Variants in VWF observed in about 807,000 individuals in gnomAD.
VWF encodes the protein von Willebrand factor.
VWF carries 176 observed loss-of-function variants against 308.6 expected under a neutral mutation model. That is an observed-to-expected ratio of 0.57 (90% CI 0.50 to 0.65). The LOEUF is 0.65. VWF is among the 30% of genes least tolerant of loss of function. VWF has a pLI of 0.00. For missense variants in VWF, 3,146 were observed against 3,648.2 expected (o/e 0.86, Z 3.55); for synonymous variants, 1,385 against 1,443.4 (o/e 0.96, Z 0.92).
intron 3 of VWF, among the ~76,000 whole-genome samples, chr12:6,120,927 G>C (rs1237981955): frequency 6.6e-6 from 1 of 152,184 alleles, no homozygotes. Context: ...CCGGGCCCCA[G>C]AGCAACGGAC....
At chr12:6,085,455 A>G (rs954793731) in intron 6 of VWF, among the ~76,000 whole-genome samples, 10 of 152,176 alleles carry the variant, frequency 6.6e-5, no homozygotes, top group African/African-American at 2.4e-4. Flanking sequence ...GTGAATATGC[A>G]CTTATGGGCA....
intron 6 of VWF, among the ~76,000 whole-genome samples, chr12:6,092,673 G>GTGTGT (rs1356836169): frequency 8.9e-5 from 11 of 123,714 alleles, no homozygotes; most frequent in Non-Finnish European, 8.1e-5. Flanking sequence ...GTGTGTGTGT[G>GTGTGT]CTGACCAGCA....
At chr12:6,013,392 G>T in intron 32 of VWF, 89 bp downstream of exon 32, 1 of 1,518,428 alleles carries the variant, frequency 6.6e-7, no homozygotes, top group Non-Finnish European at 9.1e-7. Context: ...GGGCACCCTG[G>T]GGTCTCTTGA....
In VWF at chr12:5,954,822, C is replaced by T. The variant is rs569623805; in HGVS notation, c.7888-1228G>A. On this transcript the variant is annotated intron_variant, in intron 47 of 51. Coordinates refer to ENST00000261405, the MANE Select transcript of VWF (RefSeq NM_000552.5). ...AGAGAGTTTGCTGTCTGAATTCTAA[C>T]GAGTTGGAGGGGCTGGGTAAACACC... Among the ~76,000 whole-genome samples, 10 of 152,272 alleles carry T rather than the reference C, an allele frequency of 6.6e-5. No individual in the cohort carries two copies. The South Asian group carries it at 1.2e-3, about 19-fold the overall frequency.
At position 5,949,931 on chromosome 12, in the gene VWF, G is replaced by A. The variant is rs778110595; in HGVS notation, c.8156-48C>T. The A allele has an allele frequency of 3.2e-6, 5 of 1,572,240 alleles. No individual in the cohort carries two copies. In the East Asian group the frequency reaches 8.9e-5, roughly 28 times the overall value. ...AACTTGAGGACTGGCTGGGGTTCTA[G>A]AGAACACTCTTCAGCCCCAGTGCCC... On this transcript the variant is annotated intron_variant, in intron 50 of 51. Coordinates refer to ENST00000261405, the MANE Select transcript of VWF (RefSeq NM_000552.5).
chr12:5,978,193 C>T (rs934911834), intron 42 of VWF, among the ~76,000 whole-genome samples: 1 of 150,700 alleles, frequency 6.6e-6, no homozygotes, highest in Admixed American at 6.6e-5. Context: ...ACTTCAAAAC[C>T]TAGTATTTAC....
intron 3 of VWF, among the ~76,000 whole-genome samples, chr12:6,114,079 G>A (rs1945339432): frequency 6.6e-6 from 1 of 152,208 alleles, no homozygotes; most frequent in Admixed American, 6.5e-5. Flanking sequence ...GCTTCACTGG[G>A]TAACTCAACC....
chr12:6,032,882 ACACACG>A (rs1944285419), intron 20 of VWF, among the ~76,000 whole-genome samples: 1 of 140,542 alleles, frequency 7.1e-6, no homozygotes, highest in African/African-American at 2.7e-5. Context: ...TCATACACAC[ACACACG>A]CATACACATA....
At chr12:6,013,024 A>G (rs1309297359) in intron 32 of VWF, among the ~76,000 whole-genome samples, 1 of 152,128 alleles carries the variant, frequency 6.6e-6, no homozygotes, top group Non-Finnish European at 1.5e-5. Context: ...TTAAGTTTCT[A>G]ACCTAAAATC....
In VWF at chr12:6,073,859, G is replaced by C. The variant is rs1414391970; in HGVS notation, c.875-118C>G. On this transcript the variant is annotated intron_variant, in intron 7 of 51. Coordinates refer to ENST00000261405, the MANE Select transcript of VWF (RefSeq NM_000552.5). ...CTCTGACTGCTCCCCTCTGTCTTCAGGCTTCCAGGTCCTTCTCACCCCCAG... is the reference window on the plus strand; with the variant it reads ...CTCTGACTGCTCCCCTCTGTCTTCACGCTTCCAGGTCCTTCTCACCCCCAG... The C allele has an allele frequency of 5.1e-5, 76 of 1,503,742 alleles. 1 individual carries two copies. In the Middle Eastern group the frequency reaches 1.0e-3, roughly 20 times the overall value. 93.1% of individuals were successfully genotyped at this position (1,503,742 alleles called of 1,614,324 possible).
At chr12:5,979,983 G>A (rs2136368163) in intron 42 of VWF, among the ~76,000 whole-genome samples, 1 of 147,228 alleles carries the variant, frequency 6.8e-6, no homozygotes, top group Non-Finnish European at 1.5e-5. Flanking sequence ...GGAGCTTGCA[G>A]TGAGCCGAGA....
At chr12:6,118,302 T>C (rs1179403695) in intron 3 of VWF, among the ~76,000 whole-genome samples, 1 of 150,444 alleles carries the variant, frequency 6.6e-6, no homozygotes, top group Non-Finnish European at 1.5e-5. Context: ...ACAGAGATTA[T>C]GGAGTCCAGA....
At chr12:6,118,700 C>T (rs917873824) in intron 3 of VWF, among the ~76,000 whole-genome samples, 43 of 152,076 alleles carry the variant, frequency 2.8e-4, no homozygotes, top group Admixed American at 1.4e-3. Context: ...CGGCCTCTTC[C>T]GGTCACTTCT....
chr12:6,022,391 G>A (rs978435016), intron 26 of VWF, among the ~76,000 whole-genome samples: 27 of 152,064 alleles, frequency 1.8e-4, no homozygotes, highest in African/African-American at 4.3e-4. Context: ...GGCTATTTAC[G>A]TTAAATTAAG....
intron 16 of VWF, among the ~76,000 whole-genome samples, chr12:6,047,716 G>C (rs1013341173): frequency 2.6e-5 from 4 of 152,210 alleles, no homozygotes; most frequent in African/African-American, 9.6e-5. Flanking sequence ...ATAGCATGCT[G>C]TGTTTTGCTT....
rs766282227 is a variant in VWF, at chr12:6,110,486, G to A, written c.420C>T (p.Ile140=). ...GGACTTGAAAGTTGCCGCTGCCATC[G>A]ATCCTGGCCACAAAGCCATAGGCCT... ...SGEAYGFVAR[I]DGSGNFQVLL... The change falls in exon 5 of 52, where the codon ATC becomes ATT. Residue 140 remains isoleucine (I), a synonymous_variant. Coordinates refer to ENST00000261405, the MANE Select transcript of VWF (RefSeq NM_000552.5). 9.9e-6 allele frequency: 16 copies of A among 1,614,146 alleles called. No individual in the cohort carries two copies. The highest frequency in any genetic ancestry group is 2.2e-5 in the East Asian group (1 of 44,894).
At chr12:6,068,797 ATT>A (rs140243191) in intron 10 of VWF, among the ~76,000 whole-genome samples, 3 of 115,578 alleles carry the variant, frequency 2.6e-5, no homozygotes, top group Non-Finnish European at 1.8e-5. Flanking sequence ...CCCAAGATGC[ATT>A]TTTTTTTCTT....
rs71445686 is a variant in VWF at position 5,961,589 on chromosome 12, C to CAAAA, written c.7887+5893_7887+5896dup. On this transcript the variant is annotated intron_variant, in intron 47 of 51. Transcript: ENST00000261405. The stretch of plus-strand genomic sequence containing the variant: ...GAAAATCCTTAGGAATCTGCCCCCT[C>CAAAA]AAAAAAAAAAAAAAAACACTATTAC... 1.0e-4 allele frequency among the ~76,000 whole-genome samples: 13 copies of CAAAA among 124,820 alleles called. No homozygotes were observed. The East Asian group carries it at 1.2e-3, about 11-fold the overall frequency. The allele number at this position is 124,820 out of a possible 152,430, so 81.9% of individuals were successfully genotyped here. A position where few individuals can be genotyped will look rare whatever the true frequency, so the allele number is the denominator to read the frequency against.
At chr12:6,122,901 A>G in intron 2 of VWF, 1 of 748,602 alleles carries the variant, frequency 1.3e-6, no homozygotes, top group Middle Eastern at 2.3e-4. Flanking sequence ...AATATAGGAC[A>G]GTTCTGTGCC....
Sources: allele counts gnomAD v4.1 joint callset (sites outside exome capture counted in the v4.1 genomes callset), GRCh38; gene constraint gnomAD v4.1.1; transcripts MANE v1.5; gene names NCBI Gene and HGNC (gene_info 2026-07-23, HGNC 2026-07-21).